The following NUF2 variants were observed in gnomAD, a reference collection of about 807,000 sequenced individuals.
The protein encoded by NUF2 is kinetochore protein Nuf2.
NUF2 carries 34 observed loss-of-function variants against 61.8 expected under a neutral mutation model. That is an observed-to-expected ratio of 0.55 (90% CI 0.42 to 0.73). NUF2 has a LOEUF of 0.73. Ranked by LOEUF, NUF2 falls within the 30% of genes least tolerant of loss-of-function variation. NUF2 has a pLI of 0.00. For synonymous variants in NUF2, 172 were observed against 181.6 expected (o/e 0.95, Z 0.42); for missense variants, 445 against 539.1 (o/e 0.83, Z 1.73).
rs1394136297 is a variant in NUF2, at chr1:163,336,851, A to G, written c.435+3A>G. The G allele has an allele frequency of 3.8e-6, 6 of 1,576,680 alleles. No individual in the cohort carries two copies. The highest frequency in any genetic ancestry group is 1.7e-5 in the Admixed American group (1 of 59,914). ...ATATGGAATTTCTTTGGCAATATGTAAGATTTAAATATGTTTTGGGGTTAC... is the reference window on the plus strand; with the variant it reads ...ATATGGAATTTCTTTGGCAATATGTGAGATTTAAATATGTTTTGGGGTTAC... On this transcript the variant is annotated splice_donor_region_variant and intron_variant, in intron 6 of 13. Transcript: ENST00000271452.
At chr1:163,330,928 A>ATT (rs34342302) in intron 5 of NUF2, among the ~76,000 whole-genome samples, 22,848 of 146,740 alleles carry the variant, frequency 0.16, 2,191 homozygotes, top group Middle Eastern at 0.25. Flanking sequence ...ATTTGAGTAG[A>ATT]TTTTTTTTTT....
At chr1:163,351,396 T>C (rs1314587470) in intron 13 of NUF2, among the ~76,000 whole-genome samples, 6 of 152,222 alleles carry the variant, frequency 3.9e-5, no homozygotes, top group Admixed American at 2.6e-4. Flanking sequence ...TTACTTTTAA[T>C]TCAGAATTTT....
chr1:163,332,584 T>A (rs1650632236), intron 5 of NUF2, among the ~76,000 whole-genome samples: 1 of 152,146 alleles, frequency 6.6e-6, no homozygotes, highest in African/African-American at 2.4e-5. Context: ...GTCAGTTTCT[T>A]TGCCTTTTCT....
At position 163,349,910 on chromosome 1, in the gene NUF2, G is replaced by GT. The variant is rs996482045; in HGVS notation, c.1260+841dup. Reference sequence around the variant, plus strand: ...CCTGGCCTGCTCTTTTCTGTTTTTTGTTTTTTTTTTTCTATACCTCAACTA... The same window carrying GT: ...CCTGGCCTGCTCTTTTCTGTTTTTTGTTTTTTTTTTTTCTATACCTCAACTA... On this transcript the variant is annotated intron_variant, in intron 13 of 13. Transcript: ENST00000271452. 3.9e-3 allele frequency among the ~76,000 whole-genome samples: 565 copies of GT among 145,372 alleles called. 2 individuals carry two copies. The highest frequency in any genetic ancestry group is 0.012 in the African/African-American group (471 of 39,966).
intron 13 of NUF2, among the ~76,000 whole-genome samples, chr1:163,351,524 G>C (rs1490485132): frequency 2.6e-5 from 4 of 152,086 alleles, no homozygotes; most frequent in Non-Finnish European, 5.9e-5. Context: ...CTGCAGATTT[G>C]ATCAGCATGC....
chr1:163,350,116 A>G (rs1651263144), intron 13 of NUF2, among the ~76,000 whole-genome samples: 1 of 151,768 alleles, frequency 6.6e-6, no homozygotes, highest in Non-Finnish European at 1.5e-5. Context: ...CCTGGCTAAC[A>G]CCGTGAAACC....
rs1295896294 is a variant in NUF2 at position 163,339,420 on chromosome 1, T to G, written c.549T>G (p.Leu183=). 1.9e-6 allele frequency: 3 copies of G among 1,612,958 alleles called. No homozygotes were observed. Among genetic ancestry groups the G allele is most frequent in the African/African-American group, 2.7e-5 (2 of 74,892 alleles). Residue 183 remains leucine, a synonymous_variant, in exon 8 of 14, where the codon CTT becomes CTG. Transcript: ENST00000271452. ...AAGAGCAAGAAGAGTTCAAGCAGCT[T>G]TCAGATGGAATTCAGGAGCTACAAC... ...PVEEQEEFKQ[L]SDGIQELQQS...
At chr1:163,344,461 A>AAG (rs1651052783) in intron 10 of NUF2, among the ~76,000 whole-genome samples, 1 of 52,418 alleles carries the variant, frequency 1.9e-5, no homozygotes, top group Non-Finnish European at 4.8e-5. Context: ...ATCGTAGCAT[A>AAG]AAAAAAAAGA....
chr1:163,355,418 A>G lies in NUF2; in HGVS notation c.1344A>G (p.Ile448Met). Reference protein sequence around the residue: ...EKAAEDSYAKIDEKTAELKRK... With the variant: ...EKAAEDSYAKMDEKTAELKRK... ...CAGCAGAGGACTCCTATGCTAAGAT[A>G]GATGAGAAGACAGCTGAACTGAAGA... Residue 448 changes from isoleucine (I) to methionine (M), a missense_variant, in exon 14 of 14, where the codon ATA becomes ATG. Transcript: ENST00000271452. The G allele has an allele frequency of 6.2e-7, 1 of 1,607,850 alleles. No individual in the cohort carries two copies. The highest frequency in any genetic ancestry group is 8.5e-7 in the Non-Finnish European group (1 of 1,176,550).
At chr1:163,324,017 A>G (rs1050962504) in intron 1 of NUF2, among the ~76,000 whole-genome samples, 2 of 152,228 alleles carry the variant, frequency 1.3e-5, no homozygotes, top group East Asian at 1.9e-4. Flanking sequence ...CCATATCTGG[A>G]GTGTCGTGTT....
At chr1:163,350,025 G>A (rs1651258444) in intron 13 of NUF2, among the ~76,000 whole-genome samples, 1 of 151,872 alleles carries the variant, frequency 6.6e-6, no homozygotes, top group Non-Finnish European at 1.5e-5. Context: ...ATATTGGCTG[G>A]GCGCGGTGGC....
intron 13 of NUF2, among the ~76,000 whole-genome samples, chr1:163,354,786 C>A (rs572830956): frequency 5.9e-5 from 9 of 152,070 alleles, no homozygotes; most frequent in Admixed American, 3.3e-4. Context: ...AATGTGTACA[C>A]GCTAATTTTT....
intron 5 of NUF2, 120 bp downstream of exon 5, chr1:163,329,027 A>C (rs917919378): frequency 4.0e-6 from 2 of 501,584 alleles, no homozygotes; most frequent in African/African-American, 3.9e-5. Context: ...TTGCCTTTAA[A>C]AAGTATATCC....
chr1:163,337,483 G>A lies in NUF2; in HGVS notation c.436-537G>A, dbSNP rs78839412. Among the ~76,000 whole-genome samples the A allele has an allele frequency of 6.2e-3, 940 of 152,120 alleles. 11 individuals carry two copies. Among genetic ancestry groups the A allele is most frequent in the African/African-American group, 0.021 (886 of 41,528 alleles). On this transcript the variant is annotated intron_variant, in intron 6 of 13. Transcript: ENST00000271452. ...CAGCTTTACTGAGCTATATAGATCCGTACTTCTTTGCACAAATCATGCTAA... is the reference window on the plus strand; with the variant it reads ...CAGCTTTACTGAGCTATATAGATCCATACTTCTTTGCACAAATCATGCTAA...
intron 13 of NUF2, among the ~76,000 whole-genome samples, chr1:163,352,905 A>G (rs910571713): frequency 1.3e-4 from 20 of 152,138 alleles, no homozygotes; most frequent in African/African-American, 4.3e-4. Flanking sequence ...AATCATTTCC[A>G]TTATTTAAGG....
intron 13 of NUF2, 113 bp downstream of exon 13, chr1:163,349,193 C>T: frequency 1.2e-6 from 1 of 803,322 alleles, no homozygotes; most frequent in South Asian, 2.0e-5. Context: ...TTAATGATAC[C>T]TAAAATTATT....
intron 6 of NUF2, among the ~76,000 whole-genome samples, chr1:163,337,211 G>A (rs1355113795): frequency 1.3e-5 from 2 of 152,028 alleles, no homozygotes; most frequent in Admixed American, 6.5e-5. Context: ...CATATTTGAG[G>A]TTTATATTTG....
Position 163,327,512 on chromosome 1 carries a change from A to T in NUF2, c.148A>T (p.Met50Leu). 1 of 1,612,250 alleles carries T rather than the reference A, an allele frequency of 6.2e-7. No individual in the cohort carries two copies. Among genetic ancestry groups the T allele is most frequent in the Non-Finnish European group, 8.5e-7 (1 of 1,178,462 alleles). The change falls in exon 3 of 14, where the codon ATG becomes TTG. Residue 50 changes from methionine (M) to leucine (L), a missense_variant. Met to Leu is a conservative substitution (Grantham distance 15, BLOSUM62 2). Coordinates refer to ENST00000271452, the MANE Select transcript of NUF2 (RefSeq NM_145697.3). ...PKPEVLHMIY[M>L]RALQIVYGIR... ...GCCTGAAGTCTTGCACATGATCTAC[A>T]TGAGAGCCTTACAAATAGTATATGG...
chr1:163,349,774 G>C (rs1470517905), intron 13 of NUF2, among the ~76,000 whole-genome samples: 1 of 152,026 alleles, frequency 6.6e-6, no homozygotes, highest in African/African-American at 2.4e-5. Context: ...TTATCTTAAG[G>C]CTACTTTAAA....
Sources: allele counts gnomAD v4.1 joint callset (sites outside exome capture counted in the v4.1 genomes callset), GRCh38; gene constraint gnomAD v4.1.1; transcripts MANE v1.5; gene names NCBI Gene and HGNC (gene_info 2026-07-23, HGNC 2026-07-21).